The following TMC2 variants were observed in gnomAD, a reference collection of about 807,000 sequenced individuals.
The protein encoded by TMC2 is transmembrane channel like 2, also known as transmembrane channel-like protein 2.
In TMC2, 102 loss-of-function variants were observed where a neutral mutation model predicts 105.9. The observed-to-expected ratio is 0.96, with a 90% CI of 0.82 to 1.14. TMC2 has a LOEUF of 1.14. TMC2 is among the 50% of genes most tolerant of loss of function. The pLI is 0.00. For missense variants in TMC2, 1,093 were observed against 1,134.3 expected (o/e 0.96, Z 0.52); for synonymous variants, 402 against 422.8 (o/e 0.95, Z 0.60).
At chr20:2,591,922 G>A (rs535315165) in intron 7 of TMC2, among the ~76,000 whole-genome samples, 1 of 152,322 alleles carries the variant, frequency 6.6e-6, no homozygotes, top group South Asian at 2.1e-4. Context: ...GGGAGGCCAA[G>A]GTGGGTGGAT....
At chr20:2,621,626 G>T (rs1287042051) in intron 16 of TMC2, among the ~76,000 whole-genome samples, 1 of 152,124 alleles carries the variant, frequency 6.6e-6, no homozygotes, top group Non-Finnish European at 1.5e-5. Context: ...CCGAAATCAT[G>T]CCACTGCACT....
chr20:2,559,250 C>A (rs4815322), intron 3 of TMC2, among the ~76,000 whole-genome samples: 99,001 of 152,070 alleles, frequency 0.65, 33,006 homozygotes, highest in African/African-American at 0.8. Context: ...CCAGTTTCCT[C>A]TGCTGGAAAT....
chr20:2,615,488 G>T (rs1411056037), intron 14 of TMC2, among the ~76,000 whole-genome samples: 1 of 152,272 alleles, frequency 6.6e-6, no homozygotes, highest in East Asian at 1.9e-4. Flanking sequence ...TTGGGATGTG[G>T]GCTTTAGCAT....
rs113670039 is a variant in TMC2, at chr20:2,578,662, A to G, written c.646-484A>G. On this transcript the variant is annotated intron_variant, in intron 5 of 19. Coordinates refer to ENST00000358864, the MANE Select transcript of TMC2 (RefSeq NM_080751.3). ...GAAGAATGTTCAGCTATGGGTTGAGATCTCCTTATCAGTTGCACCACCCCT... is the reference window on the plus strand; with the variant it reads ...GAAGAATGTTCAGCTATGGGTTGAGGTCTCCTTATCAGTTGCACCACCCCT... 5.0e-3 allele frequency among the ~76,000 whole-genome samples: 765 copies of G among 152,252 alleles called. 7 individuals carry two copies. Among genetic ancestry groups the G allele is most frequent in the African/African-American group, 0.017 (695 of 41,516 alleles).
chr20:2,538,561 G>A (rs1039112916), intron 2 of TMC2, among the ~76,000 whole-genome samples: 4 of 152,098 alleles, frequency 2.6e-5, no homozygotes, highest in Admixed American at 6.5e-5. Context: ...CGTCCCTTCC[G>A]CACCCAGCCT....
Position 2,592,534 on chromosome 20 carries a change from A to G in TMC2, c.933+126A>G, listed in dbSNP as rs946700333. On this transcript the variant is annotated intron_variant, in intron 8 of 19. Transcript: ENST00000358864. The surrounding 1 kb of genome is among the most constrained non-coding windows in gnomAD (Gnocchi z 4.9). ...TTGCTTTAATAGGATCCCAGCACTA[A>G]GCTAAATGAGCTTGCAAACCATGTC... 1 of 685,158 alleles carries G rather than the reference A, an allele frequency of 1.5e-6. No individual in the cohort carries two copies. Among genetic ancestry groups the G allele is most frequent in the South Asian group, 1.7e-5 (1 of 58,294 alleles). The allele number at this position is 685,158 out of a possible 1,614,324, so 42.4% of individuals were successfully genotyped here. A position where few individuals can be genotyped will look rare whatever the true frequency, so the allele number is the denominator to read the frequency against.
chr20:2,613,436 C>A, intron 14 of TMC2, 114 bp downstream of exon 14: 2 of 1,467,774 alleles, frequency 1.4e-6, no homozygotes, highest in Non-Finnish European at 9.5e-7. Flanking sequence ...TAATGACGGT[C>A]TCTGCTCTGT....
chr20:2,615,062 T>C (rs777240214), intron 14 of TMC2, among the ~76,000 whole-genome samples: 1 of 151,996 alleles, frequency 6.6e-6, no homozygotes. Context: ...GTGGCTCACA[T>C]TGTAGTCCCA....
intron 2 of TMC2, among the ~76,000 whole-genome samples, chr20:2,545,819 GAGGA>G (rs1555769955): frequency 9.7e-5 from 6 of 62,038 alleles, no homozygotes; most frequent in Admixed American, 7.8e-4. Flanking sequence ...AGAAGAGGAA[GAGGA>G]AGAAAGAAAG....
At chr20:2,621,741 T>G (rs2086526692) in intron 16 of TMC2, among the ~76,000 whole-genome samples, 1 of 152,214 alleles carries the variant, frequency 6.6e-6, no homozygotes, top group African/African-American at 2.4e-5. Context: ...TGGTGATTCT[T>G]TCTTCCTTCC....
In TMC2 at chr20:2,562,065, G is replaced by C. The variant is rs145418421; in HGVS notation, c.554+55G>C. ...TCCGATGTCCACAGCTCCTTCTGAT[G>C]GGAATGGGAGCCCTCCCTCCACATT... On this transcript the variant is annotated intron_variant, in intron 4 of 19. Transcript: ENST00000358864. 3 of 1,561,672 alleles carry C rather than the reference G, an allele frequency of 1.9e-6. No homozygotes were observed. In the African/African-American group the frequency reaches 4.1e-5, roughly 21 times the overall value.
At position 2,594,912 on chromosome 20, in the gene TMC2, T is replaced by C. The variant is rs769535659; in HGVS notation, c.1021T>C (p.Tyr341His). 6.2e-7 allele frequency: 1 copy of C among 1,614,138 alleles called. No individual in the cohort carries two copies. The highest frequency in any genetic ancestry group is 1.3e-5 in the African/African-American group (1 of 75,040). ...GCTGAGGTACCGGCTGCCTATGGCT[T>C]ACTTTATGGTGGGGGTCAGCGTGTT... ...GWLRYRLPMA[Y>H]FMVGVSVFGY... Residue 341 changes from tyrosine (Y) to histidine (H), a missense_variant, in exon 9 of 20, where the codon TAC (tyrosine) becomes CAC (histidine). By Grantham distance (83) the Tyr-to-His change is moderately conservative. Coordinates refer to ENST00000358864, the MANE Select transcript of TMC2 (RefSeq NM_080751.3).
chr20:2,579,057 C>A (rs901052266), intron 5 of TMC2, 89 bp from the exon 6 acceptor site: 1 of 726,710 alleles, frequency 1.4e-6, no homozygotes, highest in East Asian at 2.8e-5. Context: ...TCATGCTGAC[C>A]TGTCGGCCTC....
chr20:2,603,912 A>G (rs2086370189), intron 11 of TMC2, among the ~76,000 whole-genome samples: 1 of 152,228 alleles, frequency 6.6e-6, no homozygotes, highest in African/African-American at 2.4e-5. Flanking sequence ...TAAGTTGGGA[A>G]GTTTCACAAT....
intron 4 of TMC2, among the ~76,000 whole-genome samples, chr20:2,565,902 T>A (rs1277715255): frequency 6.6e-6 from 1 of 152,012 alleles, no homozygotes; most frequent in Non-Finnish European, 1.5e-5. Context: ...TAGCCGGGCG[T>A]GGTGGTGTGT....
intron 11 of TMC2, among the ~76,000 whole-genome samples, chr20:2,609,272 G>A (rs2086416715): frequency 6.6e-6 from 1 of 152,140 alleles, no homozygotes; most frequent in African/African-American, 2.4e-5. Context: ...TGGATTAGAG[G>A]CCCCAGTGTA....
In TMC2 at chr20:2,599,227, C is replaced by T. The variant is rs1035165157; in HGVS notation, c.1224+1929C>T. The stretch of plus-strand genomic sequence containing the variant: ...AAGTTGCGGAGAGCCAAGATCGCAC[C>T]ACGGCATTCCAGCCTGAGTGACAGA... On this transcript the variant is annotated intron_variant, in intron 10 of 19. Transcript: ENST00000358864. Among the ~76,000 whole-genome samples, 3 of 149,652 alleles carry T rather than the reference C, an allele frequency of 2.0e-5. No individual in the cohort carries two copies. The South Asian group carries it at 6.3e-4, about 32-fold the overall frequency.
intron 9 of TMC2, 82 bp from the exon 10 acceptor site, chr20:2,597,069 C>G: frequency 1.3e-6 from 2 of 1,502,188 alleles, no homozygotes; most frequent in Non-Finnish European, 1.8e-6. Flanking sequence ...TACCTGTGTC[C>G]GAGACTGGCT....
intron 4 of TMC2, among the ~76,000 whole-genome samples, chr20:2,563,523 C>T (rs1235756301): frequency 6.6e-6 from 1 of 152,132 alleles, no homozygotes; most frequent in East Asian, 1.9e-4. Context: ...TTTGTTTTAG[C>T]TTTTATTTAA....
Sources: gnomAD v4.1 joint callset for allele counts (sites outside exome capture counted in the v4.1 genomes callset) on GRCh38, gnomAD v4.1.1 for gene constraint, Gnocchi (gnomAD v3.1) non-coding constraint, MANE v1.5 for transcripts, NCBI Gene and HGNC (gene_info 2026-07-23, HGNC 2026-07-21) for gene names.